The following KRT18 variants were observed in gnomAD, a reference collection of about 807,000 sequenced individuals.
The protein encoded by KRT18 is keratin, type I cytoskeletal 18.
A neutral mutation model predicts 39.9 loss-of-function variants in KRT18; 8 were observed. The observed-to-expected ratio is 0.20, with a 90% CI of 0.12 to 0.36. The LOEUF is 0.36. Ranked by LOEUF, KRT18 falls within the 10% of genes least tolerant of loss-of-function variation. The pLI, the probability that KRT18 is intolerant of heterozygous loss-of-function variation, is 1.00. For missense variants in KRT18, 396 were observed against 565.7 expected (o/e 0.70, Z 3.04); for synonymous variants, 194 against 227.8 (o/e 0.85, Z 1.33).
rs756989570 is a variant in KRT18, at chr12:52,951,513, C to T, written c.690C>T (p.Ser230=). ...AAGGCCTACAAGCCCAGATTGCCAG[C>T]TCTGGGTTGACCGTGGAGGTAGATG... The part of the protein sequence containing the change: ...EVKGLQAQIA[S]SGLTVEVDAP... Residue 230 remains serine (S), a synonymous_variant, in exon 4 of 7, where the codon AGC becomes AGT. Transcript: ENST00000388835. The T allele has an allele frequency of 3.7e-6, 6 of 1,613,972 alleles. No homozygotes were observed. Among genetic ancestry groups the T allele is most frequent in the South Asian group, 1.1e-5 (1 of 91,080 alleles).
Position 52,952,733 on chromosome 12 carries a change from C to T in KRT18, c.1184C>T (p.Ala395Val). 6.2e-7 allele frequency: 1 copy of T among 1,612,682 alleles called. No homozygotes were observed. The highest frequency in any genetic ancestry group is 8.5e-7 in the Non-Finnish European group (1 of 1,179,942). The change falls in exon 7 of 7, where the codon GCC becomes GTC. Residue 395 changes from alanine to valine, a missense_variant. Coordinates refer to ENST00000388835, the MANE Select transcript of KRT18 (RefSeq NM_000224.3). ...EDGEDFNLGD[A>V]LDSSNSMQTI... ...GTCTTCTGTTACAGTCTTGGTGATG[C>T]CTTGGACAGCAGCAACTCCATGCAA...
chr12:52,951,650 G>A lies in KRT18; in HGVS notation c.822+5G>A, dbSNP rs370696335. ...GACAAGTACTGGTCTCAGCAGGTGC[G>A]TGAGGGGAGGGGATGGCTGCCAAGG... On this transcript the variant is annotated splice_donor_5th_base_variant and intron_variant, in intron 4 of 6. Transcript: ENST00000388835. 1.9e-4 allele frequency: 314 copies of A among 1,613,602 alleles called. 1 individual carries two copies. The African/African-American group carries it at 2.6e-3, about 13-fold the overall frequency.
chr12:52,950,404 G>C lies in KRT18; in HGVS notation c.494G>C (p.Arg165Thr), dbSNP rs898492782. The change falls in exon 2 of 7, where the codon AGA becomes ACA. Residue 165 changes from arginine (R) to threonine (T), a missense_variant. Transcript: ENST00000388835. ...GCCCGTCTTGCTGCTGATGACTTTA[G>C]AGTCAAGTAAGTTTGGGGGCTAGAG... ...DNARLAADDF[R>T]VKYETELAMR... 4.3e-6 allele frequency: 7 copies of C among 1,610,678 alleles called. No individual in the cohort carries two copies. The highest frequency in any genetic ancestry group is 5.9e-6 in the Non-Finnish European group (7 of 1,177,096).
rs1347876514 is a variant in KRT18 at position 52,951,595 on chromosome 12, G to A, written c.772G>A (p.Glu258Lys). Residue 258 changes from glutamate (E) to lysine (K), a missense_variant, in exon 4 of 7, where the codon GAG (glutamate) becomes AAG (lysine). Physicochemically the swap from Glu to Lys is moderately conservative, Grantham distance 56. Transcript: ENST00000388835. ...IMADIRAQYD[E>K]LARKNREELD... ...GGCAGACATCCGGGCCCAATATGAC[G>A]AGCTGGCTCGGAAGAACCGAGAGGA... 9.3e-6 allele frequency: 15 copies of A among 1,613,812 alleles called. No homozygotes were observed. The highest frequency in any genetic ancestry group is 1.7e-5 in the Admixed American group (1 of 59,974).
chr12:52,949,935 T>C (rs1942450164), intron 1 of KRT18: 1 of 634,914 alleles, frequency 1.6e-6, no homozygotes, highest in Non-Finnish European at 2.8e-6. Context: ...TGGCTAAGGC[T>C]GAGTCATCTA....
chr12:52,949,899 G>A (rs1394097674), intron 1 of KRT18: 2 of 673,776 alleles, frequency 3.0e-6, no homozygotes, highest in Non-Finnish European at 5.4e-6. Context: ...TGGCGGAATG[G>A]GGACTATTGG....
At position 52,952,728 on chromosome 12, in the gene KRT18, T is replaced by G; in HGVS notation, c.1179T>G (p.Gly393=). Residue 393 remains glycine (G), a synonymous_variant, in exon 7 of 7, where the codon GGT becomes GGG. Transcript: ENST00000388835. ...GCTTGGTCTTCTGTTACAGTCTTGG[T>G]GATGCCTTGGACAGCAGCAACTCCA... is the stretch of plus-strand genomic sequence containing the variant. The part of the protein sequence containing the change: ...LLEDGEDFNL[G]DALDSSNSMQ... 1 of 1,612,770 alleles carries G rather than the reference T, an allele frequency of 6.2e-7. No individual in the cohort carries two copies. The highest frequency in any genetic ancestry group is 8.5e-7 in the Non-Finnish European group (1 of 1,180,002).
In KRT18 at chr12:52,949,242, C is replaced by T. The variant is rs141066547; in HGVS notation, c.69C>T (p.Ser23=). 6.2e-7 allele frequency: 1 copy of T among 1,611,356 alleles called. No homozygotes were observed. The highest frequency in any genetic ancestry group is 8.5e-7 in the Non-Finnish European group (1 of 1,179,810). ...CCCTGGGCTCTGTCCAGGCGCCCAG[C>T]TACGGCGCCCGGCCGGTCAGCAGCG... ...YRSLGSVQAP[S]YGARPVSSAA... The change falls in exon 1 of 7, where the codon AGC becomes AGT. Residue 23 remains serine, a synonymous_variant. Transcript: ENST00000388835.
intron 5 of KRT18, 68 bp downstream of exon 5, chr12:52,951,924 C>G: frequency 6.3e-7 from 1 of 1,583,088 alleles, no homozygotes; most frequent in Non-Finnish European, 8.6e-7. Context: ...CTGTCTCAAC[C>G]CAAATCCTAT....
rs765942310 is a variant in KRT18, at chr12:52,952,805, T to A, written c.1256T>A (p.Val419Glu). The A allele has an allele frequency of 6.2e-7, 1 of 1,612,092 alleles. No individual in the cohort carries two copies. The highest frequency in any genetic ancestry group is 8.5e-7 in the Non-Finnish European group (1 of 1,179,864). The change falls in exon 7 of 7, where the codon GTG (valine) becomes GAG (glutamate). Residue 419 changes from valine (V) to glutamate (E), a missense_variant. Coordinates refer to ENST00000388835, the MANE Select transcript of KRT18 (RefSeq NM_000224.3). Reference sequence around the variant, plus strand: ...CGCCGGATAGTGGATGGCAAAGTGGTGTCTGAGACCAATGACACCAAAGTT... The same window carrying A: ...CGCCGGATAGTGGATGGCAAAGTGGAGTCTGAGACCAATGACACCAAAGTT... ...TTRRIVDGKV[V>E]SETNDTKVLR...
In KRT18 at chr12:52,950,869, A is replaced by G. The variant is rs542816796; in HGVS notation, c.620A>G (p.Lys207Arg). The change falls in exon 3 of 7, where the codon AAG becomes AGG. Residue 207 changes from lysine to arginine, a missense_variant. Transcript: ENST00000388835. The stretch of plus-strand genomic sequence containing the variant: ...CTGGAGACAGAGATCGAGGCTCTCA[A>G]GGAGGAGCTGCTCTTCATGAAGAAG... ...LQLETEIEAL[K>R]EELLFMKKNH... 3.8e-6 allele frequency: 6 copies of G among 1,596,214 alleles called. No homozygotes were observed. In the African/African-American group the frequency reaches 6.7e-5, roughly 18 times the overall value.
In KRT18 at chr12:52,950,831, C is replaced by G; in HGVS notation, c.582C>G (p.Ile194Met). The change falls in exon 3 of 7, where the codon ATC (isoleucine) becomes ATG (methionine). Residue 194 changes from isoleucine (I) to methionine (M), a missense_variant. Transcript: ENST00000388835. ...GLRKVIDDTN[I>M]TRLQLETEIE... ...GCAAGGTCATTGATGACACCAATAT[C>G]ACACGACTGCAGCTGGAGACAGAGA... 6.2e-7 allele frequency: 1 copy of G among 1,609,294 alleles called. No homozygotes were observed. Among genetic ancestry groups the G allele is most frequent in the Admixed American group, 1.7e-5 (1 of 59,530 alleles).
At chr12:52,952,630 G>A in intron 6 of KRT18, 92 bp from the exon 7 acceptor site, 1 of 1,365,834 alleles carries the variant, frequency 7.3e-7, no homozygotes, top group Admixed American at 1.7e-5. Context: ...GGAGATAAAG[G>A]TAGAGGTCAG....
intron 5 of KRT18, 33 bp downstream of exon 5, chr12:52,951,889 C>T: frequency 1.2e-6 from 2 of 1,603,536 alleles, no homozygotes; most frequent in African/African-American, 1.3e-5. Flanking sequence ...CCCAGCTCCT[C>T]CTTCACTTGG....
chr12:52,950,497 G>T, intron 2 of KRT18, 87 bp downstream of exon 2: 1 of 974,294 alleles, frequency 1.0e-6, no homozygotes. Context: ...GGGGCTCACA[G>T]TGGGATCCTG....
At position 52,949,524 on chromosome 12, in the gene KRT18, G is replaced by C; in HGVS notation, c.351G>C (p.Glu117Asp). ...RLESKIREHL[E>D]KKGPQVRDWS... ...AGAGCAAAATCCGGGAGCACTTGGA[G>C]AAGAAGGGACCCCAGGTCAGAGACT... Residue 117 changes from glutamate (E) to aspartate (D), a missense_variant, in exon 1 of 7, where the codon GAG becomes GAC. By Grantham distance (45) the Glu-to-Asp change is conservative. Transcript: ENST00000388835. 1 of 1,613,714 alleles carries C rather than the reference G, an allele frequency of 6.2e-7. No homozygotes were observed. Among genetic ancestry groups the C allele is most frequent in the Non-Finnish European group, 8.5e-7 (1 of 1,180,034 alleles).
rs1942474205 is a variant in KRT18, at chr12:52,950,913, A to G, written c.657+7A>G. ...GAAGAAGAACCACGAAGAGGCAAGC[A>G]GGGGCCACTGGCCAGGCCAGGGATT... On this transcript the variant is annotated splice_region_variant and intron_variant, in intron 3 of 6. Transcript: ENST00000388835. 1.3e-6 allele frequency: 2 copies of G among 1,566,704 alleles called. No individual in the cohort carries two copies. Among genetic ancestry groups the G allele is most frequent in the East Asian group, 4.6e-5 (2 of 43,526 alleles).
upstream of KRT18, chr12:52,949,013 C>G: frequency 1.6e-6 from 1 of 612,500 alleles, no homozygotes; most frequent in Non-Finnish European, 2.8e-6. Context: ...GGGCGGAGGG[C>G]GCGGGCTCCG....
intron 3 of KRT18, among the ~76,000 whole-genome samples, chr12:52,951,262 G>A (rs989579594): frequency 2.0e-5 from 3 of 152,116 alleles, no homozygotes; most frequent in Non-Finnish European, 4.4e-5. Flanking sequence ...GGTGGATAAA[G>A]GAACAGGGTG....
Sources: allele counts gnomAD v4.1 joint callset (sites outside exome capture counted in the v4.1 genomes callset), GRCh38; gene constraint gnomAD v4.1.1; transcripts MANE v1.5; gene names NCBI Gene and HGNC (gene_info 2026-07-23, HGNC 2026-07-21).